Variants in ZNF469 observed in about 807,000 individuals in gnomAD.
ZNF469 encodes the protein zinc finger protein 469.
A neutral mutation model predicts 1.0 loss-of-function variants in ZNF469; 1 was observed. The ratio of observed to expected loss-of-function variants is 1.00; its 90% confidence interval spans 0.35 to 4.73. The LOEUF (loss-of-function observed/expected upper bound fraction) is 4.73, where lower values mean the gene tolerates loss of function less well. Ranked by LOEUF, ZNF469 falls within the 30% of genes most tolerant of loss-of-function variation. ZNF469 has a pLI of 0.16. For synonymous variants in ZNF469, 2,703 were observed against 2,363.4 expected (o/e 1.14, Z -4.17); for missense variants, 6,100 against 5,356.3 (o/e 1.14, Z -4.33).
the ZNF469 span, among the ~76,000 whole-genome samples, chr16:88,112,480 C>A: frequency 6.6e-6 from 1 of 152,156 alleles, no homozygotes; most frequent in Non-Finnish European, 1.5e-5. Flanking sequence ...GCCATTTTAA[C>A]CGGGGTGAGG....
chr16:88,407,200 G>A (rs1905047978), intron 1 of ZNF469, among the ~76,000 whole-genome samples: 1 of 152,232 alleles, frequency 6.6e-6, no homozygotes. Flanking sequence ...CCAAAGGGGT[G>A]AGGTTGGGCT....
At position 88,429,797 on chromosome 16, in the gene ZNF469, C is replaced by T. The variant is rs1906002305; in HGVS notation, c.2327C>T (p.Pro776Leu). ...CCAGGCCCCCCTGGGCTCCCCTCGCCCCCCGCTGCCCCCAGAGTCCCTGCC... is the reference window on the plus strand; with the variant it reads ...CCAGGCCCCCCTGGGCTCCCCTCGCTCCCCGCTGCCCCCAGAGTCCCTGCC... ...RSPGPPGLPS[P>L]PAAPRVPADA... Residue 776 changes from proline to leucine, a missense_variant, in exon 3 of 3, where the codon CCC becomes CTC. Transcript: ENST00000565624. 6.5e-7 allele frequency: 1 copy of T among 1,544,916 alleles called. No individual in the cohort carries two copies.
the ZNF469 span, among the ~76,000 whole-genome samples, chr16:88,150,297 G>A: frequency 7.9e-5 from 12 of 152,180 alleles, no homozygotes; most frequent in African/African-American, 2.7e-4. Context: ...GTGACAGGGC[G>A]AGACTCCATC....
the ZNF469 span, among the ~76,000 whole-genome samples, chr16:88,340,591 A>C: frequency 6.6e-6 from 1 of 152,162 alleles, no homozygotes; most frequent in Non-Finnish European, 1.5e-5. Flanking sequence ...TCTCCCAGGG[A>C]GGGTGCTGCC....
At chr16:88,215,244 C>G in the ZNF469 span, among the ~76,000 whole-genome samples, 1 of 151,996 alleles carries the variant, frequency 6.6e-6, no homozygotes, top group South Asian at 2.1e-4. Flanking sequence ...TGCTTTCTTT[C>G]TGTTTGAGCC....
At chr16:88,144,368 G>A in the ZNF469 span, among the ~76,000 whole-genome samples, 1 of 152,348 alleles carries the variant, frequency 6.6e-6, no homozygotes, top group African/African-American at 2.4e-5. Context: ...TGGCGTCAAC[G>A]TAGCTGTCTC....
the ZNF469 span, among the ~76,000 whole-genome samples, chr16:88,340,774 T>TGGGGCAGAGGGGAGGGG: frequency 1.5e-5 from 1 of 66,484 alleles, no homozygotes; most frequent in South Asian, 6.1e-4. Flanking sequence ...GAGGGGAGGG[T>TGGGGCAGAGGGGAGGGG]GGGGCAGAGG....
the ZNF469 span, among the ~76,000 whole-genome samples, chr16:88,281,486 G>C: frequency 1.1e-4 from 16 of 147,848 alleles, no homozygotes; most frequent in African/African-American, 3.2e-4. Context: ...TGTCAATTTT[G>C]GCGCACAGAT....
the ZNF469 span, among the ~76,000 whole-genome samples, chr16:88,126,614 G>A: frequency 0.16 from 16,473 of 104,252 alleles, 1,914 homozygotes; most frequent in East Asian, 0.38. Flanking sequence ...TGCCAACTCT[G>A]CATTTTTGGG....
At chr16:88,201,786 G>C in the ZNF469 span, among the ~76,000 whole-genome samples, 1 of 152,204 alleles carries the variant, frequency 6.6e-6, no homozygotes, top group East Asian at 1.9e-4. The surrounding 1 kb of genome is among the most constrained non-coding windows in gnomAD (Gnocchi z 5.0). Flanking sequence ...TTACAGATGA[G>C]GAAACTGAGG....
At chr16:88,329,431 G>A in the ZNF469 span, among the ~76,000 whole-genome samples, 1 of 152,224 alleles carries the variant, frequency 6.6e-6, no homozygotes, top group Admixed American at 6.5e-5. Flanking sequence ...CCCTCCAGGG[G>A]TCTCACCTCA....
the ZNF469 span, among the ~76,000 whole-genome samples, chr16:88,310,480 A>T: frequency 5.9e-5 from 9 of 152,232 alleles, no homozygotes; most frequent in Non-Finnish European, 1.3e-4. Flanking sequence ...TGCACACAAA[A>T]GTGATAGCTG....
At chr16:88,263,950 T>C in the ZNF469 span, among the ~76,000 whole-genome samples, 1 of 152,070 alleles carries the variant, frequency 6.6e-6, no homozygotes, top group Non-Finnish European at 1.5e-5. Flanking sequence ...ACCAGAGCCC[T>C]GGAACAAGCT....
the ZNF469 span, among the ~76,000 whole-genome samples, chr16:88,221,627 G>C: frequency 2.0e-5 from 3 of 152,376 alleles, no homozygotes; most frequent in East Asian, 5.8e-4. Flanking sequence ...TCTGAGATCA[G>C]TGAGAGCCCC....
At chr16:88,362,954 A>G in the ZNF469 span, among the ~76,000 whole-genome samples, 4 of 152,190 alleles carry the variant, frequency 2.6e-5, no homozygotes, top group African/African-American at 4.8e-5. Flanking sequence ...GTTCAAACTT[A>G]TGAATTTTTT....
chr16:88,250,995 A>T, the ZNF469 span, among the ~76,000 whole-genome samples: 39,670 of 151,972 alleles, frequency 0.26, 6,290 homozygotes, highest in Middle Eastern at 0.43. Context: ...CTCCTGCCTC[A>T]GCCTCCCAAG....
chr16:88,255,223 G>A, the ZNF469 span, among the ~76,000 whole-genome samples: 1 of 152,174 alleles, frequency 6.6e-6, no homozygotes, highest in Non-Finnish European at 1.5e-5. Flanking sequence ...ATGTTGCAGG[G>A]TCCTCTCATT....
chr16:88,432,591 T>C lies in ZNF469; in HGVS notation c.5121T>C (p.Leu1707=). The part of the protein sequence containing the change: ...VQKAGASKTG[L]CQAEGDSRPP... The stretch of plus-strand genomic sequence containing the variant: ...AAGCCGGAGCCTCCAAGACTGGACT[T>C]TGCCAGGCAGAAGGAGACAGCAGGC... The change falls in exon 3 of 3, where the codon CTT becomes CTC. Residue 1707 remains leucine, a synonymous_variant. Transcript: ENST00000565624. The C allele has an allele frequency of 6.4e-7, 1 of 1,550,402 alleles. No homozygotes were observed.
chr16:88,135,758 T>C, the ZNF469 span, among the ~76,000 whole-genome samples: 6,356 of 128,136 alleles, frequency 0.05, 1,222 homozygotes, highest in East Asian at 0.16. Flanking sequence ...GTTTTTTTTT[T>C]TTTTTTTTTT....
Sources: gnomAD v4.1 joint callset for allele counts (sites outside exome capture counted in the v4.1 genomes callset) on GRCh38, gnomAD v4.1.1 for gene constraint, Gnocchi (gnomAD v3.1) non-coding constraint, MANE v1.5 for transcripts, NCBI Gene and HGNC (gene_info 2026-07-23, HGNC 2026-07-21) for gene names.